REPS2: variants seen among roughly 807,000 people sequenced by gnomAD.
REPS2 encodes ralBP1-associated Eps domain-containing protein 2.
Under a neutral mutation model 53.6 loss-of-function variants are expected in REPS2, and 23 were observed. The ratio of observed to expected loss-of-function variants is 0.43; its 90% CI spans 0.31 to 0.61. The LOEUF (loss-of-function observed/expected upper bound fraction) is 0.61. Ranked by LOEUF, REPS2 falls within the 20% of genes least tolerant of loss-of-function variation. The pLI is 0.11. For synonymous variants in REPS2, 238 were observed against 218.6 expected (o/e 1.09, Z -0.78); for missense variants, 446 against 534.9 (o/e 0.83, Z 1.64).
intron 3 of REPS2, among the ~76,000 whole-genome samples, chrX:17,023,400 C>A (rs2061599437): frequency 9.7e-6 from 1 of 103,204 alleles, no homozygotes; most frequent in Admixed American, 1.1e-4. Flanking sequence ...TGCACTCCAG[C>A]CTGGGCCACA....
At chrX:17,072,715 T>C (rs1156965519) in intron 11 of REPS2, among the ~76,000 whole-genome samples, 1 of 112,434 alleles carries the variant, frequency 8.9e-6, no homozygotes, top group Non-Finnish European at 1.9e-5. Flanking sequence ...CGTAGAGGGC[T>C]TCCCCAGCTC....
At chrX:17,110,461 GA>G (rs1236556437) in intron 14 of REPS2, among the ~76,000 whole-genome samples, 1 of 106,072 alleles carries the variant, frequency 9.4e-6, no homozygotes, top group Non-Finnish European at 1.9e-5. Flanking sequence ...GAGGTGGGTG[GA>G]TCACCTGAGG....
chrX:16,968,796 C>T (rs781652656), intron 1 of REPS2, among the ~76,000 whole-genome samples: 303 of 101,116 alleles, frequency 3.0e-3, no homozygotes, highest in African/African-American at 0.01. Flanking sequence ...CCTCACCTCC[C>T]GGATGGGGTG....
intron 13 of REPS2, among the ~76,000 whole-genome samples, chrX:17,080,136 C>T (rs141167820): frequency 9.0e-6 from 1 of 110,987 alleles, no homozygotes; most frequent in Non-Finnish European, 1.9e-5. Flanking sequence ...AGGATTGCAC[C>T]GTTCCCTTTA....
At chrX:16,986,200 C>G (rs1602596874) in intron 1 of REPS2, among the ~76,000 whole-genome samples, 2 of 111,847 alleles carry the variant, frequency 1.8e-5, no homozygotes, top group African/African-American at 6.5e-5. Flanking sequence ...TAATATGTGT[C>G]GGCTCTGTCA....
At chrX:17,016,990 C>A (rs1357634409) in intron 2 of REPS2, among the ~76,000 whole-genome samples, 1 of 110,845 alleles carries the variant, frequency 9.0e-6, no homozygotes. Flanking sequence ...TCAATATATT[C>A]TTTTAGGGTC....
intron 13 of REPS2, chrX:17,100,192 C>T (rs1269810335): frequency 3.3e-6 from 2 of 610,730 alleles, no homozygotes. Context: ...AGAATCCCTT[C>T]CACTTTAGGA....
intron 5 of REPS2, among the ~76,000 whole-genome samples, chrX:17,032,024 C>T (rs2061714911): frequency 9.0e-6 from 1 of 111,516 alleles, no homozygotes; most frequent in Non-Finnish European, 1.9e-5. Flanking sequence ...GGCTCAGGAA[C>T]CAGATAGATG....
At chrX:17,113,415 T>G (rs1161801323) in intron 14 of REPS2, among the ~76,000 whole-genome samples, 1 of 109,861 alleles carries the variant, frequency 9.1e-6, no homozygotes, top group African/African-American at 3.3e-5. Flanking sequence ...AGGTTGAATA[T>G]TCAAGTGGAA....
chrX:17,074,747 G>A lies in REPS2; in HGVS notation c.1379+588G>A, dbSNP rs2062356367. 1.8e-5 allele frequency: 2 copies of A among 111,644 alleles called. 1 individual carries two copies. The highest frequency in any genetic ancestry group is 7.5e-4 in the South Asian group (2 of 2,670). 9.2% of individuals were successfully genotyped at this position (111,644 alleles called of 1,213,427 possible). On this transcript the variant is annotated intron_variant, in intron 12 of 17. Coordinates refer to ENST00000357277, the MANE Select transcript of REPS2 (RefSeq NM_004726.3). ...GAGACTCAGAAGAGAGGTGCAGAGGGGAAATACAGAGACACTAATAGAATT... is the reference window on the plus strand; with the variant it reads ...GAGACTCAGAAGAGAGGTGCAGAGGAGAAATACAGAGACACTAATAGAATT...
At chrX:16,965,079 C>T (rs1395715593) in intron 1 of REPS2, among the ~76,000 whole-genome samples, 1 of 86,300 alleles carries the variant, frequency 1.2e-5, no homozygotes, top group African/African-American at 4.5e-5. Flanking sequence ...GGCAGCTGGC[C>T]GGGCGGGGGG....
chrX:17,190,749 T>A, the REPS2 span, among the ~76,000 whole-genome samples: 1 of 112,266 alleles, frequency 8.9e-6, no homozygotes, highest in Admixed American at 9.4e-5. Flanking sequence ...CAACATAGTG[T>A]GGTATTGGTG....
intron 14 of REPS2, among the ~76,000 whole-genome samples, chrX:17,119,868 C>CTTTTTTTTTTTTTTTTTTT: frequency 2.5e-5 from 1 of 40,516 alleles, no homozygotes; most frequent in African/African-American, 1.2e-4. Flanking sequence ...CGCACTGTGA[C>CTTTTTTTTTTTTTTTTTTT]TTTTTTTTTT....
At chrX:17,015,264 T>A (rs2061476581) in intron 2 of REPS2, among the ~76,000 whole-genome samples, 1 of 113,019 alleles carries the variant, frequency 8.8e-6, no homozygotes, top group Non-Finnish European at 1.9e-5. Context: ...CATTAAATGA[T>A]TTAAATAAAA....
intron 2 of REPS2, among the ~76,000 whole-genome samples, chrX:17,017,899 A>C (rs898905460): frequency 1.8e-5 from 2 of 111,993 alleles, no homozygotes; most frequent in Non-Finnish European, 3.8e-5. Flanking sequence ...TAATATGAAA[A>C]AAAATGTAAA....
At chrX:17,059,844 C>A (rs1437714601) in intron 8 of REPS2, among the ~76,000 whole-genome samples, 1 of 111,235 alleles carries the variant, frequency 9.0e-6, no homozygotes, top group Non-Finnish European at 1.9e-5. Flanking sequence ...AGTCCCTTTT[C>A]CCTAATAGTA....
At chrX:17,107,896 G>C (rs2062895733) in intron 14 of REPS2, among the ~76,000 whole-genome samples, 1 of 111,121 alleles carries the variant, frequency 9.0e-6, no homozygotes, top group Admixed American at 9.5e-5. Context: ...ATTTCATATA[G>C]AGCAGTGCAT....
intron 5 of REPS2, among the ~76,000 whole-genome samples, chrX:17,036,782 T>A (rs756104656): frequency 1.8e-5 from 2 of 111,496 alleles, no homozygotes; most frequent in African/African-American, 6.5e-5. Context: ...ATTATGTTCC[T>A]TTCACTGAAA....
intron 14 of REPS2, among the ~76,000 whole-genome samples, chrX:17,113,057 A>G (rs2062993619): frequency 1.2e-5 from 1 of 83,310 alleles, no homozygotes. Flanking sequence ...GCACCACTGC[A>G]CTCCAGCCCG....
Sources: gnomAD v4.1 joint callset for allele counts (sites outside exome capture counted in the v4.1 genomes callset) on GRCh38, gnomAD v4.1.1 for gene constraint, MANE v1.5 for transcripts, NCBI Gene and HGNC (gene_info 2026-07-23, HGNC 2026-07-21) for gene names.